TNS1: variants seen among roughly 807,000 people sequenced by gnomAD.
The protein encoded by TNS1 is tensin-1.
TNS1 carries 62 observed loss-of-function variants against 168.6 expected under a neutral mutation model. The observed-to-expected ratio is 0.37, with a 90% CI of 0.30 to 0.45. The LOEUF is 0.45. Ranked by LOEUF, TNS1 falls within the 20% of genes least tolerant of loss-of-function variation. The probability of loss-of-function intolerance (pLI) is 1.00; values close to 1 mark genes in which losing one functional copy is unlikely to be tolerated. For missense variants in TNS1, 2,240 were observed against 2,339.4 expected (o/e 0.96, Z 0.88); for synonymous variants, 934 against 933.2 (o/e 1.00, Z -0.02).
At chr2:217,841,830 C>T (rs569261461) in intron 19 of TNS1, among the ~76,000 whole-genome samples, 2 of 152,328 alleles carry the variant, frequency 1.3e-5, no homozygotes, top group Admixed American at 1.3e-4. Flanking sequence ...CTGAGTGATC[C>T]TCTTTCCTGG....
intron 4 of TNS1, among the ~76,000 whole-genome samples, chr2:217,919,235 C>G (rs1955457860): frequency 6.6e-6 from 1 of 152,226 alleles, no homozygotes; most frequent in African/African-American, 2.4e-5. Context: ...AGGAAGGAGA[C>G]TCTGGCCTGA....
chr2:217,958,435 C>T (rs910788806), intron 3 of TNS1, among the ~76,000 whole-genome samples: 2 of 152,196 alleles, frequency 1.3e-5, no homozygotes, highest in African/African-American at 4.8e-5. Context: ...CGGGAGACAT[C>T]GGTCACAGAG....
At chr2:217,927,971 T>A (rs1956122669) in intron 3 of TNS1, among the ~76,000 whole-genome samples, 1 of 152,192 alleles carries the variant, frequency 6.6e-6, no homozygotes. Context: ...GACCCTCCTA[T>A]CTGTGGACAG....
At chr2:218,003,919 G>C (rs1459101923), upstream of TNS1, among the ~76,000 whole-genome samples, 1 of 152,168 alleles carries the variant, frequency 6.6e-6, no homozygotes, top group East Asian at 1.9e-4. Flanking sequence ...ACAATTGTTG[G>C]GGGTCTAGAG....
intron 32 of TNS1, among the ~76,000 whole-genome samples, chr2:217,806,183 CT>C (rs1456025108): frequency 5.9e-5 from 9 of 152,246 alleles, no homozygotes; most frequent in African/African-American, 2.2e-4. Context: ...CTGCCCTCCC[CT>C]GATATTTCTT....
intron 3 of TNS1, among the ~76,000 whole-genome samples, chr2:217,928,453 G>C (rs1282382260): frequency 6.6e-6 from 1 of 152,312 alleles, no homozygotes; most frequent in Middle Eastern, 3.4e-3. Context: ...ATAGAGTTCT[G>C]TTTGGACCAG....
At chr2:217,931,250 C>G (rs1328221720) in intron 3 of TNS1, among the ~76,000 whole-genome samples, 2 of 152,184 alleles carry the variant, frequency 1.3e-5, no homozygotes, top group Non-Finnish European at 2.9e-5. Context: ...CCACCCAGAG[C>G]GAGGCTGCCC....
intron 21 of TNS1, 67 bp downstream of exon 21, chr2:217,835,024 A>G (rs568979386): frequency 1.4e-6 from 2 of 1,430,300 alleles, no homozygotes; most frequent in African/African-American, 3.0e-5. Flanking sequence ...GGGCACTCCC[A>G]CAGGCAGGGT....
At chr2:217,835,963 A>T in intron 20 of TNS1, 52 bp downstream of exon 20, 1 of 1,500,184 alleles carries the variant, frequency 6.7e-7, no homozygotes, top group Non-Finnish European at 9.1e-7. Context: ...CTGGAGATTT[A>T]AAGTGGGCAC....
At chr2:217,830,770 C>A (rs921223387) in intron 22 of TNS1, among the ~76,000 whole-genome samples, 1 of 152,198 alleles carries the variant, frequency 6.6e-6, no homozygotes, top group Non-Finnish European at 1.5e-5. Context: ...GGGGGATGAG[C>A]ACAGGCCAGG....
In TNS1 at chr2:217,922,454, G is replaced by T. The variant is rs945440200; in HGVS notation, c.187-2218C>A. On this transcript the variant is annotated intron_variant, in intron 3 of 32. Coordinates refer to ENST00000682258, the MANE Select transcript of TNS1 (RefSeq NM_001387777.1). ...TCTGAGCTTGGGCTGGGCAGGGACCGCGAGCCAGGCCAAGCTGCCAGAGGA... is the reference window on the plus strand; with the variant it reads ...TCTGAGCTTGGGCTGGGCAGGGACCTCGAGCCAGGCCAAGCTGCCAGAGGA... Among the ~76,000 whole-genome samples the T allele has an allele frequency of 2.2e-4, 33 of 152,094 alleles. 1 individual carries two copies. Among genetic ancestry groups the T allele is most frequent in the African/African-American group, 7.2e-4 (30 of 41,394 alleles).
At chr2:218,019,853 T>C (rs1411284619) in intron 1 of TNS1, among the ~76,000 whole-genome samples, 3 of 151,988 alleles carry the variant, frequency 2.0e-5, no homozygotes, top group Non-Finnish European at 4.4e-5. Flanking sequence ...GCTTCAAACC[T>C]CACTATCCTG....
At position 217,849,037 on chromosome 2, in the gene TNS1, C is replaced by T; in HGVS notation, c.1480G>A (p.Val494Met). ...CCGTGCAGGGAGTCTTTCTTCTTCA[C>T]CTTAGCATACAGGCTCCCATCTAGT... Reference protein sequence around the residue: ...GPLDGSLYAKVKKKDSLHGST... With the variant: ...GPLDGSLYAKMKKKDSLHGST... Residue 494 changes from valine (V) to methionine (M), a missense_variant, in exon 19 of 33, where the codon GTG becomes ATG. This residue lies in a region of TNS1 where 2,131 missense variants were observed against 2,171.2 expected (regional missense o/e 0.98). Transcript: ENST00000682258. 6.2e-7 allele frequency: 1 copy of T among 1,613,814 alleles called. No individual in the cohort carries two copies. The highest frequency in any genetic ancestry group is 1.7e-4 in the Middle Eastern group (1 of 5,906).
chr2:217,962,666 T>C (rs371150693), intron 3 of TNS1, among the ~76,000 whole-genome samples: 1 of 152,266 alleles, frequency 6.6e-6, no homozygotes, highest in South Asian at 2.1e-4. Flanking sequence ...TTAATAAATG[T>C]AGAAAGAATG....
chr2:217,803,145 C>G lies in TNS1; in HGVS notation c.*1314G>C, dbSNP rs1223930521. The G allele has an allele frequency of 6.6e-6, 1 of 152,236 alleles. No homozygotes were observed. The highest frequency in any genetic ancestry group is 1.5e-5 in the Non-Finnish European group (1 of 68,050). 9.4% of individuals were successfully genotyped at this position (152,236 alleles called of 1,614,324 possible). On this transcript the variant is annotated 3_prime_UTR_variant, in exon 33 of 33. Transcript: ENST00000682258. ...GCAGGCCCAGGAGCTCTGCTGAGGT[C>G]AGAGGGTGCCTGCAAAAGCCAGACC... is the stretch of plus-strand genomic sequence containing the variant.
chr2:217,935,079 T>A lies in TNS1; in HGVS notation c.187-14843A>T, dbSNP rs142483668. ...GTCCTTCCGCGGCACTACACAGACC[T>A]CTCTCTCTGCCCCAAGTCAGAGCAG... is the stretch of plus-strand genomic sequence containing the variant. On this transcript the variant is annotated intron_variant, in intron 3 of 32. Transcript: ENST00000682258. 3.2e-3 allele frequency among the ~76,000 whole-genome samples: 490 copies of A among 152,256 alleles called. 2 individuals carry two copies. Among genetic ancestry groups the A allele is most frequent in the African/African-American group, 0.011 (449 of 41,550 alleles).
intron 7 of TNS1, 37 bp downstream of exon 7, chr2:217,900,426 T>C: frequency 6.5e-7 from 1 of 1,532,722 alleles, no homozygotes; most frequent in Non-Finnish European, 8.7e-7. Context: ...CCCCCCTGCT[T>C]GCACTCCCGC....
At chr2:218,003,561 C>T (rs886202649), upstream of TNS1, among the ~76,000 whole-genome samples, 1 of 152,000 alleles carries the variant, frequency 6.6e-6, no homozygotes, top group Non-Finnish European at 1.5e-5. Flanking sequence ...AAATAGGGCC[C>T]GAGACTGGGG....
At chr2:217,916,731 T>C (rs1438121413) in intron 4 of TNS1, among the ~76,000 whole-genome samples, 2 of 152,106 alleles carry the variant, frequency 1.3e-5, no homozygotes, top group Non-Finnish European at 2.9e-5. Context: ...GGTTGGGAAA[T>C]GTATTTGGCT....
Sources: gnomAD v4.1 joint callset for allele counts (sites outside exome capture counted in the v4.1 genomes callset) on GRCh38, gnomAD v4.1.1 for gene constraint, gnomAD v4.1.1 regional missense constraint, MANE v1.5 for transcripts, NCBI Gene and HGNC (gene_info 2026-07-23, HGNC 2026-07-21) for gene names.